Variants in DAXX observed in about 807,000 individuals in gnomAD.
DAXX encodes death domain-associated protein 6.
In DAXX, 24 loss-of-function variants were observed where a neutral mutation model predicts 61.9. The observed-to-expected ratio is 0.39, with a 90% CI of 0.28 to 0.55. DAXX has a LOEUF of 0.55. Among genes scored for constraint, DAXX ranks in the 20% least tolerant of loss-of-function variants. The pLI is 0.69. For missense variants in DAXX, 819 were observed against 935.3 expected (o/e 0.88, Z 1.62); for synonymous variants, 357 against 369.5 (o/e 0.97, Z 0.39).
Position 33,319,042 on chromosome 6 carries a change from C to T in DAXX, c.2118G>A (p.Leu706=), listed in dbSNP as rs150309352. The T allele has an allele frequency of 9.2e-5, 149 of 1,613,808 alleles. No individual in the cohort carries two copies. In the African/African-American group the frequency reaches 1.9e-3, roughly 20 times the overall value. The change falls in exon 7 of 8, where the codon CTG becomes CTA. Residue 706 remains leucine (L), a synonymous_variant. Transcript: ENST00000374542. ...GAGGCTGTGAATGGGGGGTTTGGGACAGCCGGGCTGGAGAAGGGATGCAGA... is the reference window on the plus strand; with the variant it reads ...GAGGCTGTGAATGGGGGGTTTGGGATAGCCGGGCTGGAGAAGGGATGCAGA... ...SSLCIPSPAR[L]SQTPHSQPPR... is the part of the protein sequence containing the mutation.
At position 33,319,426 on chromosome 6, in the gene DAXX, A is replaced by AT; in HGVS notation, c.1893dup (p.Ser632IlefsTer26). ...CCTGTTTGCTTCTTCTCCTTCCGAG[A>AT]TTTTTTGCAGGGGGGACCAGAATCT... On this transcript the variant is annotated frameshift_variant, in exon 6 of 8. Coordinates refer to ENST00000374542, the MANE Select transcript of DAXX (RefSeq NM_001141969.2). LOFTEE classifies it high-confidence loss of function. 1 of 1,612,760 alleles carries AT rather than the reference A, an allele frequency of 6.2e-7. No individual in the cohort carries two copies. The highest frequency in any genetic ancestry group is 8.5e-7 in the Non-Finnish European group (1 of 1,179,896).
Position 33,321,349 on chromosome 6 carries a change from C to A in DAXX, c.426G>T (p.Lys142Asn), listed in dbSNP as rs2150997040. 6.2e-7 allele frequency: 1 copy of A among 1,613,382 alleles called. No individual in the cohort carries two copies. The highest frequency in any genetic ancestry group is 8.5e-7 in the Non-Finnish European group (1 of 1,179,286). The change falls in exon 3 of 8, where the codon AAG becomes AAT. Residue 142 changes from lysine (K) to asparagine (N), a missense_variant. Lys to Asn is a moderately conservative substitution (Grantham distance 94). Transcript: ENST00000374542. This position sits in a 1 kb window ranked among gnomAD's most constrained non-coding sequence, Gnocchi z 7.2. ...TVLKAHSAKK[K>N]LNLAPAATTS... ...TGGTGGCGGCAGGGGCCAAGTTCAG[C>A]TTCTTTTTGGCTGAGTGGGCCTTGA...
chr6:33,321,591 A>C lies in DAXX; in HGVS notation c.208-24T>G, dbSNP rs770196140. Reference sequence around the variant, plus strand: ...AACTAGAAGGTTCAGGGGAAGAAGGAAGGGGAAGAGAGACAAGGGAGGGGG... The same window carrying C: ...AACTAGAAGGTTCAGGGGAAGAAGGCAGGGGAAGAGAGACAAGGGAGGGGG... On this transcript the variant is annotated intron_variant, in intron 2 of 7. Coordinates refer to ENST00000374542, the MANE Select transcript of DAXX (RefSeq NM_001141969.2). This position sits in a 1 kb window ranked among gnomAD's most constrained non-coding sequence, Gnocchi z 7.2. 6.2e-7 allele frequency: 1 copy of C among 1,606,504 alleles called. No homozygotes were observed. The highest frequency in any genetic ancestry group is 1.1e-5 in the South Asian group (1 of 90,912).
chr6:33,321,114 C>A lies in DAXX; in HGVS notation c.661G>T (p.Ala221Ser), dbSNP rs776375824. The change falls in exon 3 of 8, where the codon GCA becomes TCA. Residue 221 changes from alanine (A) to serine (S), a missense_variant. Coordinates refer to ENST00000374542, the MANE Select transcript of DAXX (RefSeq NM_001141969.2). The surrounding 1 kb of genome is among the most constrained non-coding windows in gnomAD (Gnocchi z 7.2). The part of the protein sequence containing the change: ...DLSELDDPDS[A>S]YLQEARLKRK... ...TTCAACCGTGCCTCCTGCAGGTATG[C>A]GGAGTCTGGGTCATCCAATTCTGAG... The A allele has an allele frequency of 6.2e-7, 1 of 1,611,116 alleles. No homozygotes were observed. The highest frequency in any genetic ancestry group is 8.5e-7 in the Non-Finnish European group (1 of 1,177,236).
rs752434136 is a variant in DAXX, at chr6:33,320,581, A to G, written c.1050T>C (p.Pro350=). ...LTDDYRPGVD[P]ALSDPVLARR... Reference sequence around the variant, plus strand: ...GGGCCAACACAGGATCTGATAGTGCAGGGTCAACGCCTACGTGGGAAGACA... The same window carrying G: ...GGGCCAACACAGGATCTGATAGTGCGGGGTCAACGCCTACGTGGGAAGACA... The change falls in exon 4 of 8, where the codon CCT becomes CCC. Residue 350 remains proline (P), a synonymous_variant. Coordinates refer to ENST00000374542, the MANE Select transcript of DAXX (RefSeq NM_001141969.2). This position sits in a 1 kb window ranked among gnomAD's most constrained non-coding sequence, Gnocchi z 7.1. 1 of 1,613,694 alleles carries G rather than the reference A, an allele frequency of 6.2e-7. No individual in the cohort carries two copies. Among genetic ancestry groups the G allele is most frequent in the South Asian group, 1.1e-5 (1 of 91,080 alleles).
intron 7 of DAXX, 51 bp downstream of exon 7, chr6:33,318,946 G>T: frequency 6.6e-7 from 1 of 1,509,414 alleles, no homozygotes; most frequent in Non-Finnish European, 9.2e-7. Flanking sequence ...AGCTGAAACA[G>T]CCAATGAAAG....
Position 33,320,764 on chromosome 6 carries a change from G to A in DAXX, c.1011C>T (p.Gly337=), listed in dbSNP as rs2150993764. The A allele has an allele frequency of 1.2e-6, 2 of 1,614,134 alleles. No homozygotes were observed. The highest frequency in any genetic ancestry group is 1.7e-6 in the Non-Finnish European group (2 of 1,179,974). The change falls in exon 3 of 8, where the codon GGC becomes GGT. Residue 337 remains glycine, a synonymous_variant. Transcript: ENST00000374542. This position sits in a 1 kb window ranked among gnomAD's most constrained non-coding sequence, Gnocchi z 7.1. The part of the protein sequence containing the change: ...RRHLDLIYNF[G]CHLTDDYRPG... ...GCCTATAGTCATCTGTGAGGTGGCA[G>A]CCAAAGTTGTAGATGAGATCGAGGT...
At chr6:33,322,144 T>A in intron 1 of DAXX, 167 bp from the exon 2 acceptor site, 5 of 369,678 alleles carry the variant, frequency 1.4e-5, no homozygotes, top group Non-Finnish European at 2.3e-5. Context: ...TTGGGGCCCT[T>A]CAAGTGGTGT....
At position 33,320,236 on chromosome 6, in the gene DAXX, A is replaced by G; in HGVS notation, c.1252-12T>C. On this transcript the variant is annotated splice_polypyrimidine_tract_variant and intron_variant, in intron 4 of 7. Coordinates refer to ENST00000374542, the MANE Select transcript of DAXX (RefSeq NM_001141969.2). This position sits in a 1 kb window ranked among gnomAD's most constrained non-coding sequence, Gnocchi z 7.1. ...ATTCCACTAGGGCCCTGGGAGACAA[A>G]GAAGTTTCTCTAAGGAATCCCTTGC... 1 of 1,595,474 alleles carries G rather than the reference A, an allele frequency of 6.3e-7. No homozygotes were observed. Among genetic ancestry groups the G allele is most frequent in the East Asian group, 2.2e-5 (1 of 44,808 alleles).
Position 33,321,599 on chromosome 6 carries a change from G to T in DAXX, c.208-32C>A, listed in dbSNP as rs1770625372. On this transcript the variant is annotated intron_variant, in intron 2 of 7. Transcript: ENST00000374542. This position sits in a 1 kb window ranked among gnomAD's most constrained non-coding sequence, Gnocchi z 7.2. ...GGTTCAGGGGAAGAAGGAAGGGGAAGAGAGACAAGGGAGGGGGTTGAGAGA... is the reference window on the plus strand; with the variant it reads ...GGTTCAGGGGAAGAAGGAAGGGGAATAGAGACAAGGGAGGGGGTTGAGAGA... The T allele has an allele frequency of 1.2e-6, 2 of 1,603,336 alleles. No homozygotes were observed. Among genetic ancestry groups the T allele is most frequent in the Non-Finnish European group, 8.5e-7 (1 of 1,172,160 alleles).
Position 33,321,121 on chromosome 6 carries a change from T to C in DAXX, c.654A>G (p.Pro218=), listed in dbSNP as rs1770544148. Residue 218 remains proline (P), a synonymous_variant, in exon 3 of 8, where the codon CCA becomes CCG. Coordinates refer to ENST00000374542, the MANE Select transcript of DAXX (RefSeq NM_001141969.2). The surrounding 1 kb of genome is among the most constrained non-coding windows in gnomAD (Gnocchi z 7.2). ...KELDLSELDD[P]DSAYLQEARL... is the part of the protein sequence containing the mutation. ...GTGCCTCCTGCAGGTATGCGGAGTC[T>C]GGGTCATCCAATTCTGAGAGATCCA... 2 of 1,612,988 alleles carry C rather than the reference T, an allele frequency of 1.2e-6. No individual in the cohort carries two copies. Among genetic ancestry groups the C allele is most frequent in the Non-Finnish European group, 1.7e-6 (2 of 1,178,954 alleles).
Position 33,318,988 on chromosome 6 carries a change from C to G in DAXX, c.2163+9G>C. The G allele has an allele frequency of 6.2e-7, 1 of 1,608,086 alleles. No homozygotes were observed. Among genetic ancestry groups the G allele is most frequent in the Non-Finnish European group, 8.5e-7 (1 of 1,175,752 alleles). On this transcript the variant is annotated intron_variant, in intron 7 of 7. Transcript: ENST00000374542. ...AATTGTCAGAGGAAACACGCCCTCC[C>G]CTTCTTACCTTGCAAGTACCAGGCC...
rs751898991 is a variant in DAXX, at chr6:33,319,106, C to T, written c.2054G>A (p.Arg685Lys). ...CAGGCCATGGCTGGGAGAGTCCACC[C>T]TCGTGGAGGAATCAGCAACTGGGGC... ...SLAPVADSST[R>K]VDSPSHGLVT... Residue 685 changes from arginine to lysine, a missense_variant, in exon 7 of 8, where the codon AGG becomes AAG. Coordinates refer to ENST00000374542, the MANE Select transcript of DAXX (RefSeq NM_001141969.2). 1 of 1,614,156 alleles carries T rather than the reference C, an allele frequency of 6.2e-7. No individual in the cohort carries two copies. The highest frequency in any genetic ancestry group is 1.7e-5 in the Admixed American group (1 of 60,024).
intron 1 of DAXX, among the ~76,000 whole-genome samples, chr6:33,322,241 C>A (rs962128404): frequency 6.6e-6 from 1 of 151,210 alleles, no homozygotes; most frequent in African/African-American, 2.4e-5. Context: ...TGTTGCATTT[C>A]CCCCCTATTT....
At chr6:33,318,961 C>G in intron 7 of DAXX, 36 bp downstream of exon 7, 1 of 1,568,254 alleles carries the variant, frequency 6.4e-7, no homozygotes. Flanking sequence ...TGAAAGAGAA[C>G]AAATTGTCAG....
rs950153022 is a variant in DAXX at position 33,318,664 on chromosome 6, C to T, written c.*79G>A. 6 of 628,874 alleles carry T rather than the reference C, an allele frequency of 9.5e-6. No homozygotes were observed. The African/African-American group carries it at 1.1e-4, about 12-fold the overall frequency. The allele number at this position is 628,874 out of a possible 1,614,324, so 39.0% of individuals were successfully genotyped here. A position where few individuals can be genotyped will look rare whatever the true frequency, so the allele number is the denominator to read the frequency against. ...CAAAAGGGGATTAGCTTAGTCCATCCCTTCCTCAGTCATCTGCTTCCCACC... is the reference window on the plus strand; with the variant it reads ...CAAAAGGGGATTAGCTTAGTCCATCTCTTCCTCAGTCATCTGCTTCCCACC... On this transcript the variant is annotated 3_prime_UTR_variant, in exon 8 of 8. Coordinates refer to ENST00000374542, the MANE Select transcript of DAXX (RefSeq NM_001141969.2).
In DAXX at chr6:33,320,145, T is replaced by G. The variant is rs780917649; in HGVS notation, c.1331A>C (p.Asp444Ala). 1.9e-6 allele frequency: 3 copies of G among 1,614,024 alleles called. No individual in the cohort carries two copies. Among genetic ancestry groups the G allele is most frequent in the Non-Finnish European group, 2.5e-6 (3 of 1,179,940 alleles). ...TTCCTCCTCCTCCTCCTCTTCCTCA[T>G]CACTCTCCTCATCGTCTTCGTCATC... ...ETDDEDDEES[D>A]EEEEEEEEEE... Residue 444 changes from aspartate (D) to alanine (A), a missense_variant, in exon 5 of 8, where the codon GAT becomes GCT. Coordinates refer to ENST00000374542, the MANE Select transcript of DAXX (RefSeq NM_001141969.2). The surrounding 1 kb of genome is among the most constrained non-coding windows in gnomAD (Gnocchi z 7.1).
Position 33,322,843 on chromosome 6 carries a change from C to A in DAXX, c.-53+19G>T, listed in dbSNP as rs565363539. 18 of 1,346,014 alleles carry A rather than the reference C, an allele frequency of 1.3e-5. No individual in the cohort carries two copies. In the South Asian group the frequency reaches 1.8e-4, roughly 14 times the overall value. The allele number at this position is 1,346,014 out of a possible 1,614,324, so 83.4% of individuals were successfully genotyped here. A position where few individuals can be genotyped will look rare whatever the true frequency, so the allele number is the denominator to read the frequency against. On this transcript the variant is annotated intron_variant, in intron 1 of 7. Coordinates refer to ENST00000374542, the MANE Select transcript of DAXX (RefSeq NM_001141969.2). ...TATCCCCGCCCCCGCCTCTGATCCC[C>A]GCACCGTCCGGCCCCCACCTCAGAA... is the stretch of plus-strand genomic sequence containing the variant.
Position 33,320,636 on chromosome 6 carries a change from A to T in DAXX, c.1040-45T>A, listed in dbSNP as rs1770470337. 6.2e-7 allele frequency: 1 copy of T among 1,606,166 alleles called. No individual in the cohort carries two copies. The highest frequency in any genetic ancestry group is 1.7e-5 in the Admixed American group (1 of 59,180). On this transcript the variant is annotated intron_variant, in intron 3 of 7. Coordinates refer to ENST00000374542, the MANE Select transcript of DAXX (RefSeq NM_001141969.2). This position sits in a 1 kb window ranked among gnomAD's most constrained non-coding sequence, Gnocchi z 7.1. ...GTCAGAGCACTCAGCCCTTGAAGGG[A>T]CTAGAAGAGTAAAAACCCTAGAAAG... is the stretch of plus-strand genomic sequence containing the variant.
Sources: gnomAD v4.1 joint callset for allele counts (sites outside exome capture counted in the v4.1 genomes callset) on GRCh38, gnomAD v4.1.1 for gene constraint, Gnocchi (gnomAD v3.1) non-coding constraint, MANE v1.5 for transcripts, NCBI Gene and HGNC (gene_info 2026-07-23, HGNC 2026-07-21) for gene names.